USP8: variants seen among roughly 807,000 people sequenced by gnomAD.
USP8 encodes ubiquitin specific peptidase 8, also known as ubiquitin carboxyl-terminal hydrolase 8.
In USP8, 27 loss-of-function variants were observed where a neutral mutation model predicts 130.0. The ratio of observed to expected loss-of-function variants is 0.21; its 90% CI spans 0.15 to 0.29. The LOEUF (loss-of-function observed/expected upper bound fraction) is 0.29, where lower values mean the gene tolerates loss of function less well. USP8 is among the 10% of genes least tolerant of loss of function. The pLI is 1.00. For missense variants in USP8, 1,029 were observed against 1,312.2 expected, an observed-to-expected ratio of 0.78 and a Z score of 3.33; for synonymous variants, 392 against 444.1, an observed-to-expected ratio of 0.88 and a Z score of 1.48.
In USP8 at chr15:50,499,179, C is replaced by T; in HGVS notation, c.*91C>T. On this transcript the variant is annotated 3_prime_UTR_variant, in exon 20 of 20. Coordinates refer to ENST00000307179, the MANE Select transcript of USP8 (RefSeq NM_005154.5). ...TCAGGATAATGGTAGCTATAGCTGG[C>T]CATTTAGAGGAATTCTAGGACAGTG... 2 of 1,313,350 alleles carry T rather than the reference C, an allele frequency of 1.5e-6. No individual in the cohort carries two copies. Among genetic ancestry groups the T allele is most frequent in the Admixed American group, 2.5e-5 (1 of 39,382 alleles). 81.4% of individuals were successfully genotyped at this position (1,313,350 alleles called of 1,614,324 possible).
intron 1 of USP8, among the ~76,000 whole-genome samples, chr15:50,432,966 G>A (rs1464315777): frequency 2.6e-5 from 4 of 152,192 alleles, no homozygotes; most frequent in Non-Finnish European, 5.9e-5. Context: ...CATTGGCCGG[G>A]CACGATGGCT....
At position 50,476,919 on chromosome 15, in the gene USP8, G is replaced by T; in HGVS notation, c.920G>T (p.Cys307Phe). 1.2e-6 allele frequency: 2 copies of T among 1,607,130 alleles called. No homozygotes were observed. The highest frequency in any genetic ancestry group is 8.5e-7 in the Non-Finnish European group (1 of 1,179,010). The change falls in exon 9 of 20, where the codon TGT becomes TTT. Residue 307 changes from cysteine (C) to phenylalanine (F), a missense_variant. By Grantham distance (205) the Cys-to-Phe change is radical. This residue lies in a region of USP8 where 5 missense variants were observed against 23.7 expected (regional missense o/e 0.21). Transcript: ENST00000307179. ...GGAGGCTATGAAAACTGGCTCCTTT[G>T]TTATCCCCAGTATACAACAAATGCT... ...LEGGYENWLLCYPQYTTNAKV... is the reference protein window; with the variant it reads ...LEGGYENWLLFYPQYTTNAKV...
rs1475864899 is a variant in USP8, at chr15:50,500,501, T to C, written c.*1413T>C. The C allele has an allele frequency of 8.8e-6, 3 of 342,522 alleles. No homozygotes were observed. Among genetic ancestry groups the C allele is most frequent in the Non-Finnish European group, 1.7e-5 (3 of 181,390 alleles). The allele number at this position is 342,522 out of a possible 1,614,324, so 21.2% of individuals were successfully genotyped here. ...AGACCCATCTTCTGGACGACAGATT[T>C]ATCTTAAGATGAAAGGTTGTATAAC... On this transcript the variant is annotated 3_prime_UTR_variant, in exon 20 of 20. Transcript: ENST00000307179.
intron 12 of USP8, 55 bp downstream of exon 12, chr15:50,484,416 A>ACCTGT: frequency 7.4e-7 from 1 of 1,347,240 alleles, no homozygotes; most frequent in Non-Finnish European, 1.1e-6. Context: ...ATGGATTATA[A>ACCTGT]CTATGTGATT....
chr15:50,472,834 C>T (rs1471063681), intron 8 of USP8, among the ~76,000 whole-genome samples: 3 of 152,010 alleles, frequency 2.0e-5, no homozygotes, highest in East Asian at 1.9e-4. Context: ...CGATTGAACC[C>T]GGGAGGTGGA....
rs573081484 is a variant in USP8 at position 50,446,830 on chromosome 15, A to G, written c.250-2570A>G. Among the ~76,000 whole-genome samples, 9 of 152,236 alleles carry G rather than the reference A, an allele frequency of 5.9e-5. No homozygotes were observed. In the East Asian group the frequency reaches 1.5e-3, roughly 26 times the overall value. ...GCTCAGGCTGAAGTACAGTGGCACTATCATGGCTCCCTAAAGCCTTGACCT... is the reference window on the plus strand; with the variant it reads ...GCTCAGGCTGAAGTACAGTGGCACTGTCATGGCTCCCTAAAGCCTTGACCT... On this transcript the variant is annotated intron_variant, in intron 3 of 19. Transcript: ENST00000307179.
chr15:50,449,567 C>T lies in USP8; in HGVS notation c.335+82C>T, dbSNP rs111388042. ...TTAAGATTTACCGATTTATATCTGA[C>T]GATTCATATAATATTCCAATTTTTT... On this transcript the variant is annotated intron_variant, in intron 4 of 19. Transcript: ENST00000307179. 8.4e-4 allele frequency: 874 copies of T among 1,042,838 alleles called. 2 individuals are homozygous for T. The African/African-American group carries it at 0.011, about 13-fold the overall frequency. 64.6% of individuals were successfully genotyped at this position (1,042,838 alleles called of 1,614,324 possible). A position where few individuals can be genotyped will look rare whatever the true frequency, so the allele number is the denominator to read the frequency against.
At chr15:50,477,734 G>C (rs2051615046) in intron 10 of USP8, among the ~76,000 whole-genome samples, 2 of 151,778 alleles carry the variant, frequency 1.3e-5, no homozygotes, top group Admixed American at 6.6e-5. Context: ...CCAGCTGTTT[G>C]GGAGGCTGAG....
intron 4 of USP8, among the ~76,000 whole-genome samples, chr15:50,455,819 G>A (rs947106003): frequency 5.3e-5 from 8 of 152,170 alleles, no homozygotes; most frequent in African/African-American, 1.9e-4. Flanking sequence ...TGCTGCAGGT[G>A]TGCTTAATTC....
chr15:50,458,503 A>C (rs1223660734), intron 4 of USP8: 1 of 162,890 alleles, frequency 6.1e-6, no homozygotes, highest in Non-Finnish European at 1.3e-5. Flanking sequence ...TGCTAACTGT[A>C]GTTCAGATAG....
rs1315674738 is a variant in USP8 at position 50,513,575 on chromosome 15, T to C, written c.*14487T>C. 7.1e-6 allele frequency: 1 copy of C among 140,558 alleles called. No homozygotes were observed. Among genetic ancestry groups the C allele is most frequent in the Non-Finnish European group, 1.5e-5 (1 of 64,774 alleles). 8.7% of individuals were successfully genotyped at this position (140,558 alleles called of 1,614,324 possible). Reference sequence around the variant, plus strand: ...CAAGCCACAGAAGGTAATTTAAAAATGTACACTCAAGATTTAAAAAGAACT... The same window carrying C: ...CAAGCCACAGAAGGTAATTTAAAAACGTACACTCAAGATTTAAAAAGAACT... On this transcript the variant is annotated 3_prime_UTR_variant, in exon 20 of 20. Transcript: ENST00000307179.
At chr15:50,483,522 C>T (rs928759025) in intron 11 of USP8, among the ~76,000 whole-genome samples, 12 of 152,174 alleles carry the variant, frequency 7.9e-5, no homozygotes, top group Non-Finnish European at 1.8e-4. Context: ...GGGCCGGGCG[C>T]GTTGGCCCAC....
Position 50,505,661 on chromosome 15 carries a change from T to TA in USP8, c.*6579dup, listed in dbSNP as rs2052648473. On this transcript the variant is annotated 3_prime_UTR_variant, in exon 20 of 20. Transcript: ENST00000307179. ...GATAATGTCTCCTTTGGAGGCATAT[T>TA]AAAAAATTAAAAACCGGCTGGGCAT... The TA allele has an allele frequency of 6.6e-6, 1 of 152,162 alleles. No individual in the cohort carries two copies. Among genetic ancestry groups the TA allele is most frequent in the Admixed American group, 6.6e-5 (1 of 15,258 alleles). 9.4% of individuals were successfully genotyped at this position (152,162 alleles called of 1,614,324 possible).
chr15:50,477,894 C>G (rs1394059359), intron 10 of USP8, among the ~76,000 whole-genome samples: 1 of 151,702 alleles, frequency 6.6e-6, no homozygotes. Flanking sequence ...AATATATAAC[C>G]TTTAACATCT....
At chr15:50,480,930 G>C (rs746898099) in intron 10 of USP8, among the ~76,000 whole-genome samples, 4 of 152,072 alleles carry the variant, frequency 2.6e-5, no homozygotes, top group Non-Finnish European at 5.9e-5. Flanking sequence ...TGGAGGGACA[G>C]ATATAGGAGG....
At chr15:50,433,844 A>G (rs1342082481) in intron 1 of USP8, among the ~76,000 whole-genome samples, 1 of 152,102 alleles carries the variant, frequency 6.6e-6, no homozygotes, top group Non-Finnish European at 1.5e-5. Context: ...TGACCTCGTG[A>G]TCCGCCCGCC....
rs2141317954 is a variant in USP8 at position 50,490,520 on chromosome 15, A to G, written c.2229A>G (p.Glu743=). The change falls in exon 14 of 20, where the codon GAA becomes GAG. Residue 743 remains glutamate (E), a synonymous_variant. Transcript: ENST00000307179. ...KPTVTPTVNR[E]NKPTCYPKAE... The stretch of plus-strand genomic sequence containing the variant: ...CAGTAACTCCAACAGTTAATCGGGA[A>G]AACAAGTATGTTTATCTTAACTCCT... The G allele has an allele frequency of 1.9e-6, 3 of 1,613,346 alleles. No individual in the cohort carries two copies. Among genetic ancestry groups the G allele is most frequent in the Non-Finnish European group, 2.5e-6 (3 of 1,179,864 alleles).
At chr15:50,436,316 A>T (rs919275299) in intron 1 of USP8, among the ~76,000 whole-genome samples, 5 of 149,162 alleles carry the variant, frequency 3.4e-5, no homozygotes, top group Non-Finnish European at 7.5e-5. Context: ...TCCCCCACCA[A>T]GACTCAAATC....
chr15:50,473,255 T>C (rs914117136), intron 8 of USP8, among the ~76,000 whole-genome samples: 2 of 152,132 alleles, frequency 1.3e-5, no homozygotes, highest in South Asian at 2.1e-4. Context: ...ACAAAATCCA[T>C]GGATATTCAA....
Sources: allele counts gnomAD v4.1 joint callset (sites outside exome capture counted in the v4.1 genomes callset), GRCh38; gene constraint gnomAD v4.1.1; regional missense constraint gnomAD v4.1.1; transcripts MANE v1.5; gene names NCBI Gene and HGNC (gene_info 2026-07-23, HGNC 2026-07-21).